Variants in CAMTA1 observed in about 807,000 individuals in gnomAD.
CAMTA1 encodes calmodulin binding transcription activator 1.
In CAMTA1, 27 loss-of-function variants were observed where a neutral mutation model predicts 170.9. The ratio of observed to expected loss-of-function variants is 0.16; its 90% CI spans 0.12 to 0.22. The LOEUF (loss-of-function observed/expected upper bound fraction) is 0.22. CAMTA1 is among the 10% of genes least tolerant of loss of function. The pLI, the probability that CAMTA1 is intolerant of heterozygous loss-of-function variation, is 1.00. For missense variants in CAMTA1, 1,619 were observed against 2,217.2 expected (o/e 0.73, Z 5.42); for synonymous variants, 833 against 891.5 (o/e 0.93, Z 1.17).
chr1:7,277,626 G>A (rs1670926114), intron 5 of CAMTA1, among the ~76,000 whole-genome samples: 2 of 152,074 alleles, frequency 1.3e-5, no homozygotes, highest in African/African-American at 4.8e-5. Context: ...CAGAATAAAA[G>A]CAGTTTTTTC....
chr1:7,637,215 C>T (rs2095718786), intron 6 of CAMTA1, among the ~76,000 whole-genome samples: 1 of 152,152 alleles, frequency 6.6e-6, no homozygotes, highest in Non-Finnish European at 1.5e-5. Context: ...CCCAGGCTGG[C>T]CCAGGCTGTG....
rs1013453351 is a variant in CAMTA1, at chr1:7,580,648, A to G, written c.511-59752A>G. On this transcript the variant is annotated intron_variant, in intron 6 of 22. Transcript: ENST00000303635. The surrounding 1 kb of genome is among the most constrained non-coding windows in gnomAD (Gnocchi z 4.3). ...ATACTGCTCATTCTCGGTGGCACCA[A>G]AGGTCCCTGGGCACCTGGCCCCGAG... Among the ~76,000 whole-genome samples, 25 of 150,898 alleles carry G rather than the reference A, an allele frequency of 1.7e-4. No individual in the cohort carries two copies. Among genetic ancestry groups the G allele is most frequent in the Admixed American group, 1.3e-3 (19 of 15,152 alleles).
chr1:7,462,789 C>G (rs538931106), intron 5 of CAMTA1, among the ~76,000 whole-genome samples: 1 of 152,270 alleles, frequency 6.6e-6, no homozygotes, highest in African/African-American at 2.4e-5. Context: ...CAAAGCTGGA[C>G]ACATCTGCTC....
chr1:6,905,592 C>T (rs1678271008), intron 3 of CAMTA1, among the ~76,000 whole-genome samples: 1 of 152,196 alleles, frequency 6.6e-6, no homozygotes, highest in Admixed American at 6.5e-5. Context: ...TAGTGGAACC[C>T]TTTGTCCATG....
intron 6 of CAMTA1, among the ~76,000 whole-genome samples, chr1:7,543,289 A>G (rs2094640634): frequency 6.6e-6 from 1 of 152,206 alleles, no homozygotes; most frequent in African/African-American, 2.4e-5. Context: ...ACTCTGATGA[A>G]CATCCTTATA....
chr1:6,870,467 T>A (rs1000478997), intron 3 of CAMTA1, among the ~76,000 whole-genome samples: 2 of 152,224 alleles, frequency 1.3e-5, no homozygotes, highest in African/African-American at 4.8e-5. Context: ...ACATCTGGCA[T>A]TTATAGAGTT....
intron 3 of CAMTA1, among the ~76,000 whole-genome samples, chr1:6,919,704 C>T (rs769667969): frequency 2.9e-4 from 44 of 152,196 alleles, no homozygotes; most frequent in African/African-American, 8.9e-4. Flanking sequence ...CACAGTTCTA[C>T]GTGAATGAGG....
rs1413747261 is a variant in CAMTA1, at chr1:7,216,229, A to G, written c.303-33262A>G. The stretch of plus-strand genomic sequence containing the variant: ...ACTCACTCACTATCACAAAAACAGC[A>G]AGGGGGAAATCCTCCCCCATGATTC... On this transcript the variant is annotated intron_variant, in intron 4 of 22. Transcript: ENST00000303635. This position sits in a 1 kb window ranked among gnomAD's most constrained non-coding sequence, Gnocchi z 4.0. 6.6e-6 allele frequency among the ~76,000 whole-genome samples: 1 copy of G among 152,114 alleles called. No homozygotes were observed. The highest frequency in any genetic ancestry group is 1.5e-5 in the Non-Finnish European group (1 of 68,028).
chr1:7,229,582 AGAGGAGGGGAGGGCAG>A (rs1260055884), intron 4 of CAMTA1, among the ~76,000 whole-genome samples: 2 of 59,632 alleles, frequency 3.4e-5, no homozygotes, highest in Non-Finnish European at 6.4e-5. Context: ...GAGGGTGAGG[AGAGGAGGGGAGGGCAG>A]GAGGAGGGGA....
intron 6 of CAMTA1, among the ~76,000 whole-genome samples, chr1:7,536,166 C>A (rs1286618318): frequency 1.3e-5 from 2 of 152,192 alleles, no homozygotes; most frequent in Non-Finnish European, 2.9e-5. Context: ...ATTCCAGCCC[C>A]CGTCATCGTG....
chr1:6,998,892 A>G (rs892303274), intron 3 of CAMTA1, among the ~76,000 whole-genome samples: 3 of 152,104 alleles, frequency 2.0e-5, no homozygotes, highest in African/African-American at 7.2e-5. Flanking sequence ...TCATTTATTC[A>G]TTTCTTTCTA....
intron 5 of CAMTA1, among the ~76,000 whole-genome samples, chr1:7,411,207 C>T (rs962433518): frequency 9.9e-5 from 15 of 152,082 alleles, no homozygotes; most frequent in African/African-American, 1.4e-4. Flanking sequence ...TTGGAGGGGC[C>T]GCGTCGGACC....
chr1:7,664,362 C>T lies in CAMTA1; in HGVS notation c.1815C>T (p.Ser605=), dbSNP rs1173091863. The change falls in exon 9 of 23, where the codon AGC becomes AGT. Residue 605 remains serine (S), a synonymous_variant. Transcript: ENST00000303635. ...YTSSFSQTGH[S]PHIHQTPSPS... ...CCAGCTTCAGCCAGACGGGCCACAG[C>T]CCCCACATCCACCAGACCCCCTCCC... The T allele has an allele frequency of 6.2e-7, 1 of 1,613,688 alleles. No homozygotes were observed. The highest frequency in any genetic ancestry group is 1.1e-5 in the South Asian group (1 of 91,084).
intron 11 of CAMTA1, among the ~76,000 whole-genome samples, chr1:7,706,487 C>T (rs2096526409): frequency 6.6e-6 from 1 of 152,124 alleles, no homozygotes; most frequent in African/African-American, 2.4e-5. Flanking sequence ...TGCTGGGAAC[C>T]GGATCAAGAG....
intron 4 of CAMTA1, among the ~76,000 whole-genome samples, chr1:7,185,533 G>A (rs917420317): frequency 6.6e-6 from 1 of 152,150 alleles, no homozygotes; most frequent in Admixed American, 6.5e-5. Context: ...TGAAAATGTA[G>A]AAGGAATTTA....
intron 3 of CAMTA1, among the ~76,000 whole-genome samples, chr1:7,085,978 C>T (rs566129787): frequency 5.9e-5 from 9 of 152,222 alleles, no homozygotes; most frequent in African/African-American, 2.2e-4. Flanking sequence ...TGTTTGGGGC[C>T]TTGGGGAAGG....
intron 3 of CAMTA1, among the ~76,000 whole-genome samples, chr1:7,003,960 T>G (rs970059852): frequency 6.6e-6 from 1 of 152,392 alleles, no homozygotes; most frequent in Middle Eastern, 3.4e-3. Context: ...CAGGTTGTGC[T>G]GTGCCTCTCG....
At chr1:6,933,890 A>G (rs1351706855) in intron 3 of CAMTA1, among the ~76,000 whole-genome samples, 1 of 152,150 alleles carries the variant, frequency 6.6e-6, no homozygotes, top group Non-Finnish European at 1.5e-5. Context: ...AAGTCTTGAA[A>G]TCCTGTGAAT....
chr1:6,896,219 A>G (rs1260770495), intron 3 of CAMTA1, among the ~76,000 whole-genome samples: 1 of 152,172 alleles, frequency 6.6e-6, no homozygotes, highest in Admixed American at 6.5e-5. Flanking sequence ...ACTTAAACAG[A>G]ATCAGCCTGT....
Sources: gnomAD v4.1 joint callset for allele counts (sites outside exome capture counted in the v4.1 genomes callset) on GRCh38, gnomAD v4.1.1 for gene constraint, Gnocchi (gnomAD v3.1) non-coding constraint, MANE v1.5 for transcripts, NCBI Gene and HGNC (gene_info 2026-07-23, HGNC 2026-07-21) for gene names.